The following CFAP299 variants were observed in gnomAD, a reference collection of about 807,000 sequenced individuals.
The protein encoded by CFAP299 is cilia- and flagella-associated protein 299.
A neutral mutation model predicts 27.0 loss-of-function variants in CFAP299; 21 were observed. That is an observed-to-expected ratio of 0.78 (90% CI 0.55 to 1.12). CFAP299 has a LOEUF of 1.12. Ranked by LOEUF, CFAP299 falls within the 50% of genes most tolerant of loss-of-function variation. CFAP299 has a pLI of 0.00. For synonymous variants in CFAP299, 104 were observed against 98.1 expected, an observed-to-expected ratio of 1.06 and a Z score of -0.36; for missense variants, 310 against 276.6, an observed-to-expected ratio of 1.12 and a Z score of -0.86.
intron 4 of CFAP299, among the ~76,000 whole-genome samples, chr4:80,882,573 G>A (rs1733761702): frequency 6.6e-6 from 1 of 151,814 alleles, no homozygotes; most frequent in Admixed American, 6.6e-5. Flanking sequence ...GGGAGGCGGA[G>A]CTTGCAGTAA....
chr4:80,601,357 T>G (rs1486824781), intron 3 of CFAP299, among the ~76,000 whole-genome samples: 1 of 152,202 alleles, frequency 6.6e-6, no homozygotes, highest in Non-Finnish European at 1.5e-5. Context: ...TAAATTTTCC[T>G]TGACTACACA....
chr4:80,747,098 T>C lies in CFAP299; in HGVS notation c.334-122895T>C, dbSNP rs182146256. Among the ~76,000 whole-genome samples, 7 of 152,146 alleles carry C rather than the reference T, an allele frequency of 4.6e-5. No individual in the cohort carries two copies. The East Asian group carries it at 1.2e-3, about 25-fold the overall frequency. ...GTTCTCCCTTCTGCTTTCTATTTAA[T>C]TTGGTTTTGTAAGAAGTCTTGATTT... On this transcript the variant is annotated intron_variant, in intron 3 of 5. Coordinates refer to ENST00000358105, the MANE Select transcript of CFAP299 (RefSeq NM_152770.3).
chr4:80,443,754 G>T (rs914465099), intron 2 of CFAP299, among the ~76,000 whole-genome samples: 22 of 152,314 alleles, frequency 1.4e-4, no homozygotes, highest in African/African-American at 5.3e-4. Context: ...TCTGTTTGCA[G>T]ATGACATGAT....
chr4:80,707,612 C>T (rs329400), intron 3 of CFAP299, among the ~76,000 whole-genome samples: 108,102 of 151,922 alleles, frequency 0.71, 41,631 homozygotes, highest in Non-Finnish European at 0.85. Context: ...ACATTATAGT[C>T]ATTGTTTATC....
At chr4:80,572,358 C>G (rs1735622700) in intron 2 of CFAP299, among the ~76,000 whole-genome samples, 1 of 151,900 alleles carries the variant, frequency 6.6e-6, no homozygotes, top group Admixed American at 6.6e-5. Context: ...CATCATTCTA[C>G]TCTCTATCAT....
intron 3 of CFAP299, among the ~76,000 whole-genome samples, chr4:80,660,138 A>T (rs1220652331): frequency 6.6e-6 from 1 of 152,142 alleles, no homozygotes; most frequent in African/African-American, 2.4e-5. Flanking sequence ...ATCAGTTTAC[A>T]GGGAATAGAG....
intron 3 of CFAP299, among the ~76,000 whole-genome samples, chr4:80,790,143 C>T (rs1280195200): frequency 3.9e-5 from 6 of 152,078 alleles, no homozygotes; most frequent in Admixed American, 1.3e-4. Flanking sequence ...ATTGAAGCAT[C>T]CCCAAAATTT....
At chr4:80,668,993 C>T (rs1007623870) in intron 3 of CFAP299, among the ~76,000 whole-genome samples, 1 of 151,914 alleles carries the variant, frequency 6.6e-6, no homozygotes, top group Middle Eastern at 3.2e-3. Flanking sequence ...CAATTCCTTT[C>T]ACCAGTGTTT....
intron 3 of CFAP299, chr4:80,639,667 T>TTTTA (rs1197809490): frequency 6.5e-6 from 1 of 153,316 alleles, no homozygotes; most frequent in Non-Finnish European, 1.4e-5. Flanking sequence ...AGAGTTATGT[T>TTTTA]TTTATTTATT....
At chr4:80,861,708 T>C (rs925120249) in intron 3 of CFAP299, among the ~76,000 whole-genome samples, 2 of 152,192 alleles carry the variant, frequency 1.3e-5, no homozygotes, top group Non-Finnish European at 2.9e-5. Flanking sequence ...TTTTATGTTA[T>C]TCTAGAAATT....
intron 2 of CFAP299, among the ~76,000 whole-genome samples, chr4:80,369,782 A>T (rs930059098): frequency 3.3e-5 from 5 of 152,194 alleles, no homozygotes; most frequent in African/African-American, 1.2e-4. Flanking sequence ...GTGCATGCAC[A>T]TCGGTTTTTA....
chr4:80,688,683 G>C (rs1383410346), intron 3 of CFAP299, among the ~76,000 whole-genome samples: 2 of 152,250 alleles, frequency 1.3e-5, no homozygotes, highest in Admixed American at 6.5e-5. Flanking sequence ...ACGGAACAAA[G>C]CTGGACGGAG....
intron 2 of CFAP299, among the ~76,000 whole-genome samples, chr4:80,394,690 C>T (rs1313736450): frequency 6.6e-6 from 1 of 152,138 alleles, no homozygotes; most frequent in East Asian, 1.9e-4. Context: ...ATGTCCTTTC[C>T]CCAATGTGTG....
At chr4:80,729,471 C>T (rs1014989719) in intron 3 of CFAP299, among the ~76,000 whole-genome samples, 4 of 152,056 alleles carry the variant, frequency 2.6e-5, no homozygotes, top group African/African-American at 9.7e-5. Context: ...TATAAAAAGA[C>T]CGTGGCTTCC....
intron 2 of CFAP299, among the ~76,000 whole-genome samples, chr4:80,479,880 T>A (rs887982991): frequency 2.0e-5 from 3 of 151,998 alleles, no homozygotes; most frequent in Non-Finnish European, 2.9e-5. Flanking sequence ...TAACACATTT[T>A]GGGAAGTCTT....
At chr4:80,783,204 G>A (rs115857510) in intron 3 of CFAP299, among the ~76,000 whole-genome samples, 78 of 152,152 alleles carry the variant, frequency 5.1e-4, no homozygotes, top group African/African-American at 1.8e-3. Flanking sequence ...ATGAAAGAGT[G>A]GTTGAAAAAT....
intron 3 of CFAP299, among the ~76,000 whole-genome samples, chr4:80,615,143 T>G (rs1010994809): frequency 6.6e-6 from 1 of 152,198 alleles, no homozygotes; most frequent in Non-Finnish European, 1.5e-5. Flanking sequence ...GCCACTAACT[T>G]TTGACTAATA....
intron 3 of CFAP299, among the ~76,000 whole-genome samples, chr4:80,693,385 A>G (rs1192129612): frequency 1.3e-5 from 2 of 151,910 alleles, no homozygotes; most frequent in African/African-American, 4.8e-5. Flanking sequence ...TGATGAGTTT[A>G]TGTCCTTTGT....
chr4:80,588,267 G>A (rs1475943137), intron 3 of CFAP299, among the ~76,000 whole-genome samples: 1 of 150,912 alleles, frequency 6.6e-6, no homozygotes, highest in Non-Finnish European at 1.5e-5. Context: ...GGAACCATTA[G>A]CTTTTAACAC....
Sources: gnomAD v4.1 joint callset for allele counts (sites outside exome capture counted in the v4.1 genomes callset) on GRCh38, gnomAD v4.1.1 for gene constraint, MANE v1.5 for transcripts, NCBI Gene and HGNC (gene_info 2026-07-23, HGNC 2026-07-21) for gene names.